The following SLX4IP variants were observed in gnomAD, a reference collection of about 807,000 sequenced individuals.
The protein encoded by SLX4IP is protein SLX4IP.
SLX4IP carries 34 observed loss-of-function variants against 32.9 expected under a neutral mutation model. The ratio of observed to expected loss-of-function variants is 1.03; its 90% confidence interval spans 0.79 to 1.38. The LOEUF (loss-of-function observed/expected upper bound fraction) is 1.38, where lower values mean the gene tolerates loss of function less well. Among genes scored for constraint, SLX4IP ranks in the 40% most tolerant of loss-of-function variants. The pLI is 0.00. For missense variants in SLX4IP, 444 were observed against 479.0 expected, an observed-to-expected ratio of 0.93 and a Z score of 0.68; for synonymous variants, 172 against 171.7, an observed-to-expected ratio of 1.00 and a Z score of -0.01.
intron 2 of SLX4IP, among the ~76,000 whole-genome samples, chr20:10,541,423 T>C (rs1284917426): frequency 1.3e-5 from 2 of 152,224 alleles, no homozygotes; most frequent in African/African-American, 4.8e-5. Context: ...AGAACCAGGA[T>C]TTCTGAACCA....
intron 2 of SLX4IP, among the ~76,000 whole-genome samples, chr20:10,490,193 C>CTT (rs71334406): frequency 0.3 from 40,663 of 135,310 alleles, 5,472 homozygotes; most frequent in Admixed American, 0.33. Flanking sequence ...GTGGAAATTT[C>CTT]TTTTTTTTTT....
chr20:10,483,185 T>A (rs1664388388), intron 2 of SLX4IP, among the ~76,000 whole-genome samples: 1 of 152,074 alleles, frequency 6.6e-6, no homozygotes, highest in African/African-American at 2.4e-5. Flanking sequence ...AGTGACGTGA[T>A]CTCAGCTAAC....
intron 3 of SLX4IP, among the ~76,000 whole-genome samples, chr20:10,559,232 C>T (rs2066304652): frequency 6.6e-6 from 1 of 152,034 alleles, no homozygotes; most frequent in South Asian, 2.1e-4. Flanking sequence ...TGAGGCACTG[C>T]ATCTTTAGGC....
intron 7 of SLX4IP, 139 bp downstream of exon 7, chr20:10,621,553 C>T: frequency 1.4e-6 from 1 of 710,966 alleles, no homozygotes; most frequent in Non-Finnish European, 2.5e-6. Flanking sequence ...TCCCCTCCCT[C>T]CTGACTCTCT....
chr20:10,496,073 T>G (rs1349484581), intron 2 of SLX4IP, among the ~76,000 whole-genome samples: 2 of 152,182 alleles, frequency 1.3e-5, no homozygotes, highest in Non-Finnish European at 2.9e-5. Context: ...TTCCATTTAT[T>G]GCAAATATTA....
intron 4 of SLX4IP, among the ~76,000 whole-genome samples, chr20:10,585,297 T>C (rs2066633213): frequency 6.6e-6 from 1 of 152,230 alleles, no homozygotes; most frequent in Admixed American, 6.5e-5. Context: ...CTCTGGCATT[T>C]GATCTTTCAA....
chr20:10,439,154 T>C (rs1244118634), intron 1 of SLX4IP, among the ~76,000 whole-genome samples: 1 of 152,242 alleles, frequency 6.6e-6, no homozygotes, highest in African/African-American at 2.4e-5. Flanking sequence ...TTCTTATTTT[T>C]ACAATCTCAT....
rs747390765 is a variant in SLX4IP, at chr20:10,621,452, G to A, written c.506+38G>A. ...TGTTTCCTTTTTCTCATTTTTGCCT[G>A]TCTCTATGTATGGATAGATAACATG... On this transcript the variant is annotated intron_variant, in intron 7 of 7. Coordinates refer to ENST00000334534, the MANE Select transcript of SLX4IP (RefSeq NM_001009608.3). 8 of 1,577,294 alleles carry A rather than the reference G, an allele frequency of 5.1e-6. No homozygotes were observed. The South Asian group carries it at 8.9e-5, about 18-fold the overall frequency.
At chr20:10,556,152 A>G in intron 2 of SLX4IP, 79 bp from the exon 3 acceptor site, 2 of 1,334,908 alleles carry the variant, frequency 1.5e-6, no homozygotes, top group Non-Finnish European at 2.1e-6. Flanking sequence ...GCAACCACAT[A>G]GGAATTTGTG....
chr20:10,510,695 C>T (rs952175484), intron 2 of SLX4IP, among the ~76,000 whole-genome samples: 26 of 151,992 alleles, frequency 1.7e-4, no homozygotes, highest in African/African-American at 6.3e-4. Context: ...ACCTCCACCT[C>T]CCGGGTTCAA....
At chr20:10,440,419 C>T (rs534028198) in intron 1 of SLX4IP, among the ~76,000 whole-genome samples, 16 of 151,540 alleles carry the variant, frequency 1.1e-4, no homozygotes, top group South Asian at 2.1e-4. Context: ...AGTGCAACTG[C>T]GCTTTAGCCT....
At chr20:10,515,079 C>CTTTTTTTTT (rs35576843) in intron 2 of SLX4IP, among the ~76,000 whole-genome samples, 5 of 82,890 alleles carry the variant, frequency 6.0e-5, no homozygotes, top group East Asian at 3.8e-4. Flanking sequence ...TAAGTTGAAG[C>CTTTTTTTTT]TTTTTTTTTT....
In SLX4IP at chr20:10,463,134, A is replaced by G. The variant is rs371201382; in HGVS notation, c.27+4903A>G. Among the ~76,000 whole-genome samples, 4 of 152,188 alleles carry G rather than the reference A, an allele frequency of 2.6e-5. No homozygotes were observed. The South Asian group carries it at 6.2e-4, about 24-fold the overall frequency. ...ATACCCTCTTCGTTGGGGAGAGGGA[A>G]CTGGGAGATATAGGGGTAACTGATT... On this transcript the variant is annotated intron_variant, in intron 2 of 7. Transcript: ENST00000334534.
At chr20:10,510,407 T>C (rs1414186566) in intron 2 of SLX4IP, among the ~76,000 whole-genome samples, 1 of 152,132 alleles carries the variant, frequency 6.6e-6, no homozygotes, top group African/African-American at 2.4e-5. Context: ...TCCTGGATAA[T>C]GGGCAGCTGG....
chr20:10,614,271 G>A (rs3748473), intron 6 of SLX4IP: 14,316 of 603,836 alleles, frequency 0.024, 325 homozygotes, highest in Admixed American at 0.091. Flanking sequence ...CTCAAAAGAT[G>A]AAGACAGAAT....
chr20:10,594,410 G>A (rs554377695), intron 4 of SLX4IP, among the ~76,000 whole-genome samples: 52 of 152,260 alleles, frequency 3.4e-4, no homozygotes, highest in Middle Eastern at 3.4e-3. Flanking sequence ...CCACACAGAG[G>A]CATTTTCCCA....
Position 10,623,398 on chromosome 20 carries a change from C to A in SLX4IP, c.*19C>A, listed in dbSNP as rs371313027. On this transcript the variant is annotated 3_prime_UTR_variant, in exon 8 of 8. Coordinates refer to ENST00000334534, the MANE Select transcript of SLX4IP (RefSeq NM_001009608.3). Reference sequence around the variant, plus strand: ...CCATTAACACCGAAGAGGTTTGTACCGTTGGAGTTGAGGACATAGTGGCCA... The same window carrying A: ...CCATTAACACCGAAGAGGTTTGTACAGTTGGAGTTGAGGACATAGTGGCCA... 1.4e-5 allele frequency: 23 copies of A among 1,586,974 alleles called. No homozygotes were observed. Among genetic ancestry groups the A allele is most frequent in the Non-Finnish European group, 1.9e-5 (22 of 1,167,882 alleles).
intron 6 of SLX4IP, among the ~76,000 whole-genome samples, chr20:10,620,123 C>T (rs373969752): frequency 6.6e-6 from 1 of 152,204 alleles, no homozygotes; most frequent in African/African-American, 2.4e-5. Flanking sequence ...GGGGCTGTCA[C>T]TGCTAATTCC....
rs1439863753 is a variant in SLX4IP, at chr20:10,623,197, G to A, written c.1045G>A (p.Asp349Asn). The A allele has an allele frequency of 6.2e-7, 1 of 1,614,086 alleles. No homozygotes were observed. Among genetic ancestry groups the A allele is most frequent in the Non-Finnish European group, 8.5e-7 (1 of 1,180,046 alleles). Residue 349 changes from aspartate (D) to asparagine (N), a missense_variant, in exon 8 of 8, where the codon GAT (aspartate) becomes AAT (asparagine). Coordinates refer to ENST00000334534, the MANE Select transcript of SLX4IP (RefSeq NM_001009608.3). ...AGATCCAGGGTTACTTTTGAAACAA[G>A]ATTTGGCAAAAACCACGTCTAAGGA... ...LSDPGLLLKQ[D>N]LAKTTSKEEL...
Sources: allele counts gnomAD v4.1 joint callset (sites outside exome capture counted in the v4.1 genomes callset), GRCh38; gene constraint gnomAD v4.1.1; transcripts MANE v1.5; gene names NCBI Gene and HGNC (gene_info 2026-07-23, HGNC 2026-07-21).